GOLM2: variants seen among roughly 807,000 people sequenced by gnomAD.
The protein encoded by GOLM2 is golgi membrane protein 2, also known as protein GOLM2.
Under a neutral mutation model 55.9 loss-of-function variants are expected in GOLM2, and 26 were observed. The ratio of observed to expected loss-of-function variants is 0.47; its 90% confidence interval spans 0.34 to 0.65. GOLM2 has a LOEUF of 0.65. Ranked by LOEUF, GOLM2 falls within the 30% of genes least tolerant of loss-of-function variation. The pLI, the probability that GOLM2 is intolerant of heterozygous loss-of-function variation, is 0.01. For missense variants in GOLM2, 486 were observed against 531.8 expected (o/e 0.91, Z 0.85); for synonymous variants, 165 against 194.6 (o/e 0.85, Z 1.27).
chr15:44,336,865 G>A (rs542803239), intron 4 of GOLM2, among the ~76,000 whole-genome samples: 11 of 152,168 alleles, frequency 7.2e-5, no homozygotes, highest in East Asian at 1.9e-4. Flanking sequence ...GGAGTGAGCC[G>A]AGATCGCGCC....
At chr15:44,376,102 G>A (rs1186811920) in intron 6 of GOLM2, among the ~76,000 whole-genome samples, 3 of 152,130 alleles carry the variant, frequency 2.0e-5, no homozygotes, top group African/African-American at 7.2e-5. Flanking sequence ...TGGGCTTGGC[G>A]CATGCCTATA....
chr15:44,341,350 G>T (rs1382260366), intron 6 of GOLM2, among the ~76,000 whole-genome samples: 1 of 152,044 alleles, frequency 6.6e-6, no homozygotes, highest in Non-Finnish European at 1.5e-5. Flanking sequence ...AAAGTGCTGG[G>T]ATTACAGGCG....
chr15:44,379,677 T>G lies in GOLM2; in HGVS notation c.803-13T>G. 1 of 1,464,744 alleles carries G rather than the reference T, an allele frequency of 6.8e-7. No homozygotes were observed. Among genetic ancestry groups the G allele is most frequent in the Non-Finnish European group, 9.5e-7 (1 of 1,053,862 alleles). The allele number at this position is 1,464,744 out of a possible 1,614,324, so 90.7% of individuals were successfully genotyped here. A position where few individuals can be genotyped will look rare whatever the true frequency, so the allele number is the denominator to read the frequency against. On this transcript the variant is annotated splice_polypyrimidine_tract_variant and intron_variant, in intron 6 of 9. Transcript: ENST00000299957. ...TCAATGGGAATAATATGGATTTATT[T>G]TTTTTCTTCTAGCTTTAAGGAAGCC... is the stretch of plus-strand genomic sequence containing the variant.
intron 6 of GOLM2, among the ~76,000 whole-genome samples, chr15:44,364,428 T>C (rs370172332): frequency 5.0e-4 from 76 of 152,240 alleles, no homozygotes; most frequent in African/African-American, 1.8e-3. Context: ...CCCAGCACTT[T>C]GGGAGGCTGA....
chr15:44,410,861 C>G (rs1336215766), intron 9 of GOLM2, among the ~76,000 whole-genome samples: 2 of 146,660 alleles, frequency 1.4e-5, no homozygotes, highest in Non-Finnish European at 1.5e-5. Context: ...CGAGATTGTG[C>G]CACTGTACTC....
chr15:44,374,515 A>T (rs1325044206), intron 6 of GOLM2, among the ~76,000 whole-genome samples: 7 of 152,158 alleles, frequency 4.6e-5, no homozygotes, highest in African/African-American at 1.4e-4. Context: ...AAGAAAAAAA[A>T]AATTACCAGA....
chr15:44,348,208 C>T (rs2079137889), intron 6 of GOLM2, among the ~76,000 whole-genome samples: 1 of 150,786 alleles, frequency 6.6e-6, no homozygotes, highest in Admixed American at 6.6e-5. Context: ...TAGATTTGAA[C>T]TTGGTCATAG....
intron 1 of GOLM2, among the ~76,000 whole-genome samples, chr15:44,303,558 G>C (rs1045623104): frequency 2.1e-4 from 32 of 151,860 alleles, no homozygotes; most frequent in African/African-American, 7.5e-4. Flanking sequence ...TATAAGCATA[G>C]CTTGGATTTT....
At chr15:44,412,422 CT>C (rs1395240378) in intron 9 of GOLM2, among the ~76,000 whole-genome samples, 1 of 151,812 alleles carries the variant, frequency 6.6e-6, no homozygotes, top group African/African-American at 2.4e-5. Flanking sequence ...TAACAGTAAT[CT>C]TTTTTTTCTG....
intron 6 of GOLM2, chr15:44,354,605 T>A (rs1012147356): frequency 4.6e-5 from 7 of 152,228 alleles, no homozygotes; most frequent in African/African-American, 1.4e-4. Context: ...TAGAGAAAGA[T>A]AGGCTCTCTG....
chr15:44,348,181 G>A (rs1852320997), intron 6 of GOLM2, among the ~76,000 whole-genome samples: 1 of 152,198 alleles, frequency 6.6e-6, no homozygotes, highest in South Asian at 2.1e-4. Context: ...GAATAAAGGA[G>A]ATTAGGTCTT....
At chr15:44,366,324 C>G (rs1279824185) in intron 6 of GOLM2, among the ~76,000 whole-genome samples, 1 of 142,482 alleles carries the variant, frequency 7.0e-6, no homozygotes, top group Non-Finnish European at 1.5e-5. Flanking sequence ...ACAAAACAAA[C>G]AAACCACAAA....
At chr15:44,388,237 G>A (rs1273635322) in intron 8 of GOLM2, among the ~76,000 whole-genome samples, 1 of 131,434 alleles carries the variant, frequency 7.6e-6, no homozygotes, top group Admixed American at 8.9e-5. Context: ...TTGCGCCACT[G>A]TACTCCAGCC....
intron 1 of GOLM2, among the ~76,000 whole-genome samples, chr15:44,296,656 C>T (rs2141106132): frequency 6.6e-6 from 1 of 152,310 alleles, no homozygotes; most frequent in South Asian, 2.1e-4. Flanking sequence ...TTCTTTTCTG[C>T]CTTTTTTCCA....
intron 8 of GOLM2, among the ~76,000 whole-genome samples, chr15:44,386,031 T>C (rs1444249519): frequency 6.6e-6 from 1 of 152,222 alleles, no homozygotes; most frequent in African/African-American, 2.4e-5. Context: ...ACGAAAGTTT[T>C]TAATTTTGAT....
intron 6 of GOLM2, among the ~76,000 whole-genome samples, chr15:44,340,056 A>G (rs374986927): frequency 1.2e-4 from 19 of 152,190 alleles, no homozygotes; most frequent in African/African-American, 4.1e-4. Flanking sequence ...TCCTAGCCTT[A>G]AGCAATCTGC....
intron 6 of GOLM2, among the ~76,000 whole-genome samples, chr15:44,357,044 C>G (rs2079202877): frequency 6.6e-6 from 1 of 151,924 alleles, no homozygotes; most frequent in African/African-American, 2.4e-5. Flanking sequence ...TGGTGGCACA[C>G]CCCTGTGGTC....
chr15:44,304,994 C>T (rs1325951118), intron 1 of GOLM2, among the ~76,000 whole-genome samples: 5 of 152,142 alleles, frequency 3.3e-5, no homozygotes, highest in Non-Finnish European at 7.3e-5. Flanking sequence ...TAGCCTTCTT[C>T]TATGAATCAC....
chr15:44,390,107 A>G (rs1369671470), intron 8 of GOLM2: 3 of 152,222 alleles, frequency 2.0e-5, no homozygotes, highest in Admixed American at 6.5e-5. Context: ...TTACCACATC[A>G]TGCAAAAGTG....
Sources: allele counts gnomAD v4.1 joint callset (sites outside exome capture counted in the v4.1 genomes callset), GRCh38; gene constraint gnomAD v4.1.1; transcripts MANE v1.5; gene names NCBI Gene and HGNC (gene_info 2026-07-23, HGNC 2026-07-21).